Variants in ATXN1 observed in about 807,000 individuals in gnomAD.
The protein encoded by ATXN1 is ataxin-1.
Under a neutral mutation model 56.4 loss-of-function variants are expected in ATXN1, and 8 were observed. That is an observed-to-expected ratio of 0.14 (90% CI 0.08 to 0.26). The LOEUF (loss-of-function observed/expected upper bound fraction) is 0.26. Among genes scored for constraint, ATXN1 ranks in the 10% least tolerant of loss-of-function variants. ATXN1 has a pLI of 1.00. For missense variants in ATXN1, 987 were observed against 1,106.5 expected (o/e 0.89, Z 1.53); for synonymous variants, 514 against 494.6 (o/e 1.04, Z -0.52).
rs554749394 is a variant in ATXN1 at position 16,574,461 on chromosome 6, G to A, written c.-361+11319C>T. The stretch of plus-strand genomic sequence containing the variant: ...CGACCTCAGGTGATCCGCCCGCCTC[G>A]GCCTCCCAAAGTGTTGGGATTACAG... On this transcript the variant is annotated intron_variant, in intron 4 of 7. Coordinates refer to ENST00000436367, the MANE Select transcript of ATXN1 (RefSeq NM_001128164.2). 2.0e-4 allele frequency among the ~76,000 whole-genome samples: 31 copies of A among 152,188 alleles called. No homozygotes were observed. In the South Asian group the frequency reaches 6.4e-3, roughly 32 times the overall value.
chr6:16,366,192 T>C (rs1181874305), intron 6 of ATXN1, among the ~76,000 whole-genome samples: 1 of 152,096 alleles, frequency 6.6e-6, no homozygotes, highest in East Asian at 1.9e-4. Context: ...GGTCTGCTTG[T>C]TAAAAACAAC....
At chr6:16,411,030 C>T (rs1581743920) in intron 6 of ATXN1, among the ~76,000 whole-genome samples, 1 of 147,634 alleles carries the variant, frequency 6.8e-6, no homozygotes. Context: ...GAGGCTGAGG[C>T]AGGAGAATTG....
intron 3 of ATXN1, among the ~76,000 whole-genome samples, chr6:16,604,915 CG>C (rs1431661162): frequency 6.6e-6 from 1 of 152,064 alleles, no homozygotes; most frequent in Non-Finnish European, 1.5e-5. Flanking sequence ...AAGAGGAAAA[CG>C]GAAGTCTGAC....
chr6:16,583,794 A>C (rs1762570047), intron 4 of ATXN1, among the ~76,000 whole-genome samples: 1 of 152,188 alleles, frequency 6.6e-6, no homozygotes, highest in African/African-American at 2.4e-5. Flanking sequence ...GGATTACTCC[A>C]CTAATACAAA....
At chr6:16,743,924 G>C (rs1760433230) in intron 2 of ATXN1, among the ~76,000 whole-genome samples, 1 of 152,158 alleles carries the variant, frequency 6.6e-6, no homozygotes, top group African/African-American at 2.4e-5. Flanking sequence ...GATAAGGAAG[G>C]TCCTCAAAAC....
At chr6:16,309,669 G>A (rs1007554150) in intron 7 of ATXN1, among the ~76,000 whole-genome samples, 10 of 152,170 alleles carry the variant, frequency 6.6e-5, no homozygotes, top group African/African-American at 2.4e-4. Context: ...TCCTCACTGA[G>A]GCAGATGAGA....
chr6:16,306,201 A>T lies in ATXN1; in HGVS notation c.*128T>A. The T allele has an allele frequency of 1.7e-6, 2 of 1,185,032 alleles. No individual in the cohort carries two copies. Among genetic ancestry groups the T allele is most frequent in the East Asian group, 4.8e-5 (2 of 42,062 alleles). 73.4% of individuals were successfully genotyped at this position (1,185,032 alleles called of 1,614,324 possible). A position where few individuals can be genotyped will look rare whatever the true frequency, so the allele number is the denominator to read the frequency against. ...CGACACACCTGCTGTAACTCTAATG[A>T]CAAGGTTAGAACAGAAACCTAAAAT... On this transcript the variant is annotated 3_prime_UTR_variant, in exon 8 of 8. Transcript: ENST00000436367. The surrounding 1 kb of genome is among the most constrained non-coding windows in gnomAD (Gnocchi z 5.2).
At chr6:16,546,726 T>C (rs1761821547) in intron 4 of ATXN1, among the ~76,000 whole-genome samples, 1 of 152,218 alleles carries the variant, frequency 6.6e-6, no homozygotes, top group Admixed American at 6.5e-5. Flanking sequence ...TCATGGAGTT[T>C]CGTAAAAGCT....
intron 6 of ATXN1, among the ~76,000 whole-genome samples, chr6:16,471,006 C>T (rs1760205883): frequency 1.3e-5 from 2 of 152,138 alleles, no homozygotes; most frequent in East Asian, 1.9e-4. Context: ...GGGAAAGATT[C>T]GTCTGGAAAG....
At chr6:16,642,682 C>A (rs955021045) in intron 3 of ATXN1, among the ~76,000 whole-genome samples, 2 of 152,204 alleles carry the variant, frequency 1.3e-5, no homozygotes, top group Admixed American at 1.3e-4. Context: ...AAATTGCCAC[C>A]GCCACCCCAG....
At chr6:16,618,071 A>C (rs1256131183) in intron 3 of ATXN1, among the ~76,000 whole-genome samples, 3 of 152,166 alleles carry the variant, frequency 2.0e-5, no homozygotes, top group South Asian at 2.1e-4. Context: ...AAATTAAAAA[A>C]AAATTGCAGC....
chr6:16,731,454 C>CTTTTTTTTTTTTTTTTTT lies in ATXN1; in HGVS notation c.-615+21761_-615+21778dup, dbSNP rs71559655. ...ACGAGAGAGGCTTTTTTTTTCTTTT[C>CTTTTTTTTTTTTTTTTTT]TTTTTTTTTTTTTTTTTTTTTTTTT... is the stretch of plus-strand genomic sequence containing the variant. On this transcript the variant is annotated intron_variant, in intron 2 of 7. Coordinates refer to ENST00000436367, the MANE Select transcript of ATXN1 (RefSeq NM_001128164.2). Among the ~76,000 whole-genome samples the CTTTTTTTTTTTTTTTTTT allele has an allele frequency of 9.3e-4, 76 of 81,760 alleles. 7 individuals are homozygous for CTTTTTTTTTTTTTTTTTT. The highest frequency in any genetic ancestry group is 2.2e-3 in the East Asian group (6 of 2,682). The allele number at this position is 81,760 out of a possible 152,430, so 53.6% of individuals were successfully genotyped here. A position where few individuals can be genotyped will look rare whatever the true frequency, so the allele number is the denominator to read the frequency against.
chr6:16,402,505 A>G (rs745730332), intron 6 of ATXN1, among the ~76,000 whole-genome samples: 3 of 152,066 alleles, frequency 2.0e-5, no homozygotes, highest in Non-Finnish European at 4.4e-5. Flanking sequence ...AACACAACCC[A>G]CAAGCCAAGA....
At chr6:16,686,325 TA>T (rs1034105157) in intron 2 of ATXN1, among the ~76,000 whole-genome samples, 18 of 151,944 alleles carry the variant, frequency 1.2e-4, no homozygotes, top group Non-Finnish European at 2.6e-4. Flanking sequence ...CGAAGTAGTA[TA>T]AAAAAAAGAG....
At chr6:16,347,853 C>T (rs1274346079) in intron 6 of ATXN1, among the ~76,000 whole-genome samples, 1 of 152,142 alleles carries the variant, frequency 6.6e-6, no homozygotes, top group East Asian at 1.9e-4. Flanking sequence ...CTTCTCCGAT[C>T]CCTTTCCACA....
At chr6:16,596,422 C>A (rs1048481218) in intron 3 of ATXN1, among the ~76,000 whole-genome samples, 4 of 152,056 alleles carry the variant, frequency 2.6e-5, no homozygotes, top group African/African-American at 9.7e-5. Context: ...CAGGTGAAAC[C>A]CCAGCAAAAA....
At position 16,522,841 on chromosome 6, in the gene ATXN1, G is replaced by A. The variant is rs552383298; in HGVS notation, c.-360-153C>T. 7.2e-5 allele frequency among the ~76,000 whole-genome samples: 11 copies of A among 152,262 alleles called. No individual in the cohort carries two copies. The South Asian group carries it at 2.1e-3, about 29-fold the overall frequency. ...TAAATGTCTGAAGAACAATAGATGCGTGATTATTTGGCTGACTATATGAAT... is the reference window on the plus strand; with the variant it reads ...TAAATGTCTGAAGAACAATAGATGCATGATTATTTGGCTGACTATATGAAT... On this transcript the variant is annotated intron_variant, in intron 4 of 7. Coordinates refer to ENST00000436367, the MANE Select transcript of ATXN1 (RefSeq NM_001128164.2).
At chr6:16,751,075 T>C (rs1760704851) in intron 2 of ATXN1, among the ~76,000 whole-genome samples, 1 of 151,812 alleles carries the variant, frequency 6.6e-6, no homozygotes, top group South Asian at 2.1e-4. Flanking sequence ...TTCAAGCGAT[T>C]CTCCTGCCTC....
chr6:16,599,893 T>G (rs1034873470), intron 3 of ATXN1, among the ~76,000 whole-genome samples: 1 of 152,146 alleles, frequency 6.6e-6, no homozygotes, highest in Non-Finnish European at 1.5e-5. Flanking sequence ...GCAAAATGCA[T>G]TTGGAGGATC....
Sources: gnomAD v4.1 joint callset for allele counts (sites outside exome capture counted in the v4.1 genomes callset) on GRCh38, gnomAD v4.1.1 for gene constraint, Gnocchi (gnomAD v3.1) non-coding constraint, MANE v1.5 for transcripts, NCBI Gene and HGNC (gene_info 2026-07-23, HGNC 2026-07-21) for gene names.